Variants in TMEM74 observed in about 807,000 individuals in gnomAD.
The protein encoded by TMEM74 is transmembrane protein 74.
In TMEM74, 13 loss-of-function variants were observed where a neutral mutation model predicts 18.1. The observed-to-expected ratio is 0.72, with a 90% CI of 0.47 to 1.14. The LOEUF (loss-of-function observed/expected upper bound fraction) is 1.14, where lower values mean the gene tolerates loss of function less well. TMEM74 is among the 50% of genes most tolerant of loss of function. The pLI is 0.00. For synonymous variants in TMEM74, 159 were observed against 146.6 expected (o/e 1.08, Z -0.61); for missense variants, 372 against 375.9 (o/e 0.99, Z 0.09).
At chr8:108,700,769 G>C (rs1813327326) in intron 1 of TMEM74, among the ~76,000 whole-genome samples, 1 of 152,194 alleles carries the variant, frequency 6.6e-6, no homozygotes, top group South Asian at 2.1e-4. Flanking sequence ...TGAGAAGTGA[G>C]TGACTGTGCT....
intron 1 of TMEM74, among the ~76,000 whole-genome samples, chr8:108,757,883 T>G (rs1813995811): frequency 6.6e-6 from 1 of 152,024 alleles, no homozygotes; most frequent in African/African-American, 2.4e-5. Flanking sequence ...TCACTGAAGC[T>G]TTGATGTCCT....
intron 1 of TMEM74, among the ~76,000 whole-genome samples, chr8:108,691,809 C>T (rs1035384567): frequency 6.6e-6 from 1 of 152,178 alleles, no homozygotes; most frequent in Non-Finnish European, 1.5e-5. Flanking sequence ...ACATAAACAT[C>T]ATTCCAATAT....
At chr8:108,614,792 G>T (rs1812367622) in intron 2 of TMEM74, among the ~76,000 whole-genome samples, 1 of 152,048 alleles carries the variant, frequency 6.6e-6, no homozygotes, top group South Asian at 2.1e-4. Context: ...TAAAGCATGT[G>T]ATTCATAGAA....
At chr8:108,733,331 A>G (rs1464408355) in intron 1 of TMEM74, among the ~76,000 whole-genome samples, 4 of 152,200 alleles carry the variant, frequency 2.6e-5, no homozygotes, top group African/African-American at 9.6e-5. Flanking sequence ...TAAATGGACT[A>G]CTGATACACA....
At chr8:108,641,902 G>T (rs1387797634) in intron 2 of TMEM74, among the ~76,000 whole-genome samples, 2 of 151,982 alleles carry the variant, frequency 1.3e-5, no homozygotes, top group Non-Finnish European at 2.9e-5. Flanking sequence ...TTTGAGGGGA[G>T]CACTGAACTG....
chr8:108,724,246 G>A (rs989605349), intron 1 of TMEM74, among the ~76,000 whole-genome samples: 1 of 152,066 alleles, frequency 6.6e-6, no homozygotes, highest in Non-Finnish European at 1.5e-5. Context: ...TCATCATCAT[G>A]TTTCCCAAAA....
At chr8:108,746,561 A>C (rs1813850311) in intron 1 of TMEM74, among the ~76,000 whole-genome samples, 1 of 152,114 alleles carries the variant, frequency 6.6e-6, no homozygotes, top group South Asian at 2.1e-4. Context: ...GTCTTCATCT[A>C]GTTACTGACA....
In TMEM74 at chr8:108,636,490, A is replaced by G. The variant is rs544054945; in HGVS notation, n.264+18803T>C. On this transcript the variant is annotated intron_variant and non_coding_transcript_variant, in intron 2 of 3. Coordinates refer to the TMEM74 transcript ENST00000518838. ...TGTATTTGAAGCAGCTGCCATATCT[A>G]TGTTCTCCATTTGGAATCAGCTTTA... Among the ~76,000 whole-genome samples, 9 of 152,228 alleles carry G rather than the reference A, an allele frequency of 5.9e-5. No individual in the cohort carries two copies. In the South Asian group the frequency reaches 1.7e-3, roughly 28 times the overall value.
intron 2 of TMEM74, among the ~76,000 whole-genome samples, chr8:108,620,473 G>A (rs184428089): frequency 3.3e-4 from 50 of 152,238 alleles, no homozygotes. Flanking sequence ...ACTTTCAGAT[G>A]CATGATCTCA....
chr8:108,673,649 T>A (rs1227190557), intron 1 of TMEM74, among the ~76,000 whole-genome samples: 1 of 152,168 alleles, frequency 6.6e-6, no homozygotes, highest in Non-Finnish European at 1.5e-5. Context: ...AATCGAGTGA[T>A]AAAGACTATG....
chr8:108,620,017 T>C (rs1812423737), intron 2 of TMEM74, among the ~76,000 whole-genome samples: 2 of 152,126 alleles, frequency 1.3e-5, no homozygotes, highest in Admixed American at 1.3e-4. Flanking sequence ...TTCTCTTGCA[T>C]TAGTTTGTTG....
intron 1 of TMEM74, among the ~76,000 whole-genome samples, chr8:108,715,025 G>A (rs1813509329): frequency 6.6e-6 from 1 of 151,982 alleles, no homozygotes; most frequent in Non-Finnish European, 1.5e-5. Flanking sequence ...CGATATTTAA[G>A]CATTCTATAT....
At chr8:108,668,517 T>A (rs752295335) in intron 1 of TMEM74, among the ~76,000 whole-genome samples, 59 of 152,278 alleles carry the variant, frequency 3.9e-4, no homozygotes, top group Admixed American at 5.9e-4. Context: ...CTATTGGTAA[T>A]TCTGTGTCTA....
downstream of TMEM74, among the ~76,000 whole-genome samples, chr8:108,775,967 C>G (rs1187439917): frequency 6.6e-6 from 1 of 152,078 alleles, no homozygotes; most frequent in Non-Finnish European, 1.5e-5. Context: ...ATTTGTATTC[C>G]AGAACAGTTA....
At chr8:108,721,781 T>C (rs1813589316) in intron 1 of TMEM74, among the ~76,000 whole-genome samples, 1 of 152,244 alleles carries the variant, frequency 6.6e-6, no homozygotes, top group South Asian at 2.1e-4. Context: ...TTCAGATTTC[T>C]TTGCAATTCT....
chr8:108,777,988 T>G (rs1179888951), downstream of TMEM74, among the ~76,000 whole-genome samples: 1 of 152,200 alleles, frequency 6.6e-6, no homozygotes, highest in Non-Finnish European at 1.5e-5. Flanking sequence ...TGTGACAATT[T>G]TTTTTTAAGC....
intron 1 of TMEM74, among the ~76,000 whole-genome samples, chr8:108,696,090 G>T (rs776531975): frequency 6.6e-6 from 1 of 152,098 alleles, no homozygotes; most frequent in Non-Finnish European, 1.5e-5. Flanking sequence ...ATTTTCCAAT[G>T]ACAAAATGCT....
chr8:108,697,230 G>A (rs551029271), intron 1 of TMEM74, among the ~76,000 whole-genome samples: 1 of 152,248 alleles, frequency 6.6e-6, no homozygotes, highest in Non-Finnish European at 1.5e-5. Flanking sequence ...GGTTTTACTA[G>A]GATTCTTTAA....
chr8:108,638,790 G>C (rs144532461), intron 2 of TMEM74, among the ~76,000 whole-genome samples: 2 of 152,050 alleles, frequency 1.3e-5, no homozygotes, highest in African/African-American at 4.8e-5. Context: ...TCTGTGATGC[G>C]GTGTGGTGGG....
Sources: allele counts gnomAD v4.1 joint callset (sites outside exome capture counted in the v4.1 genomes callset), GRCh38; gene constraint gnomAD v4.1.1; transcripts MANE v1.5; gene names NCBI Gene and HGNC (gene_info 2026-07-23, HGNC 2026-07-21).